The following RAB37 variants were observed in gnomAD, a reference collection of about 807,000 sequenced individuals.
The protein encoded by RAB37 is RAB37, member RAS oncogene family.
A neutral mutation model predicts 33.1 loss-of-function variants in RAB37; 29 were observed. The ratio of observed to expected loss-of-function variants is 0.88; its 90% CI spans 0.65 to 1.20. RAB37 has a LOEUF of 1.20. RAB37 is among the 50% of genes most tolerant of loss of function. RAB37 has a pLI of 0.00. For missense variants in RAB37, 299 were observed against 301.1 expected, an observed-to-expected ratio of 0.99 and a Z score of 0.05; for synonymous variants, 128 against 119.5, an observed-to-expected ratio of 1.07 and a Z score of -0.47.
At chr17:74,734,974 A>AAGG (rs2034446463), upstream of RAB37, among the ~76,000 whole-genome samples, 1 of 127,826 alleles carries the variant, frequency 7.8e-6, no homozygotes, top group Admixed American at 7.8e-5. Flanking sequence ...AAAGAAAAAG[A>AAGG]AAGAAAGAAA....
At chr17:74,726,876 A>G (rs1393584078) in intron 1 of RAB37, among the ~76,000 whole-genome samples, 1 of 152,188 alleles carries the variant, frequency 6.6e-6, no homozygotes, top group Non-Finnish European at 1.5e-5. Context: ...GTCCTTTCAC[A>G]CAGTCTTGAA....
At chr17:74,737,250 C>G (rs774375135), upstream of RAB37, 1 of 1,549,442 alleles carries the variant, frequency 6.5e-7, no homozygotes, top group East Asian at 2.3e-5. Context: ...CGGGCCGGCA[C>G]TGCTCACCTC....
chr17:74,675,757 T>C (rs1383942515), intron 1 of RAB37, among the ~76,000 whole-genome samples: 2 of 152,184 alleles, frequency 1.3e-5, no homozygotes, highest in Non-Finnish European at 2.9e-5. Flanking sequence ...ATACGCCAAA[T>C]ATCATGATAG....
rs766246665 is a variant in RAB37, at chr17:74,745,110, T to A, written c.566+26T>A. The stretch of plus-strand genomic sequence containing the variant: ...GTGAGAGCTGGGCAGGGAAGGGAAG[T>A]GTGCGGGGCAGGGCGGCACACTCCA... On this transcript the variant is annotated intron_variant, in intron 8 of 8. Transcript: ENST00000392613. The surrounding 1 kb of genome is among the most constrained non-coding windows in gnomAD (Gnocchi z 4.5). The A allele has an allele frequency of 3.1e-6, 5 of 1,601,094 alleles. No individual in the cohort carries two copies. Among genetic ancestry groups the A allele is most frequent in the African/African-American group, 1.3e-5 (1 of 74,864 alleles).
chr17:74,713,269 G>A (rs1485965498), intron 1 of RAB37, among the ~76,000 whole-genome samples: 1 of 148,882 alleles, frequency 6.7e-6, no homozygotes, highest in Non-Finnish European at 1.5e-5. Flanking sequence ...CGTGCCACTT[G>A]CACTCCAGCC....
intron 1 of RAB37, among the ~76,000 whole-genome samples, chr17:74,691,470 T>C (rs892417420): frequency 1.3e-5 from 2 of 152,242 alleles, no homozygotes; most frequent in South Asian, 2.1e-4. Flanking sequence ...ATGCCCGGCC[T>C]GTAGACACCT....
chr17:74,728,811 A>G (rs1451813171), intron 1 of RAB37, among the ~76,000 whole-genome samples: 2 of 149,150 alleles, frequency 1.3e-5, no homozygotes, highest in Non-Finnish European at 3.0e-5. Context: ...ATACATGTGT[A>G]CATGTGTTTT....
chr17:74,717,428 G>A (rs774195509), intron 1 of RAB37, among the ~76,000 whole-genome samples: 5 of 152,290 alleles, frequency 3.3e-5, no homozygotes, highest in Middle Eastern at 3.4e-3. Context: ...CCTTCAATGT[G>A]ATGGCATTAC....
chr17:74,686,820 T>C (rs2032064145), intron 1 of RAB37, among the ~76,000 whole-genome samples: 1 of 152,224 alleles, frequency 6.6e-6, no homozygotes, highest in Non-Finnish European at 1.5e-5. Flanking sequence ...CTTCTTTGCT[T>C]ATTATTAATT....
At chr17:74,716,712 AAG>A (rs372536172) in intron 1 of RAB37, among the ~76,000 whole-genome samples, 164 of 148,056 alleles carry the variant, frequency 1.1e-3, no homozygotes, top group Non-Finnish European at 1.1e-3. Flanking sequence ...GGGGCAGAGA[AAG>A]AGAGAGAGAG....
intron 1 of RAB37, among the ~76,000 whole-genome samples, chr17:74,722,840 T>A (rs969258517): frequency 6.6e-6 from 1 of 152,194 alleles, no homozygotes; most frequent in Non-Finnish European, 1.5e-5. Flanking sequence ...TCTATCGATC[T>A]TTTCTTTATG....
At chr17:74,737,058 G>T (rs779140138), upstream of RAB37, 6 of 1,608,856 alleles carry the variant, frequency 3.7e-6, no homozygotes, top group South Asian at 2.2e-5. Flanking sequence ...GTTGCTCAGG[G>T]AGGCTGCCCG....
At chr17:74,736,741 G>T (rs960647983), upstream of RAB37, 9 of 1,535,596 alleles carry the variant, frequency 5.9e-6, no homozygotes, top group Non-Finnish European at 7.8e-6. Context: ...GGCGAGTACG[G>T]GTTGGTAAAC....
In RAB37 at chr17:74,729,088, A is replaced by G. The variant is rs1048970482; in HGVS notation, c.73-168A>G. 3.3e-5 allele frequency among the ~76,000 whole-genome samples: 5 copies of G among 150,900 alleles called. No homozygotes were observed. Among genetic ancestry groups the G allele is most frequent in the African/African-American group, 1.2e-4 (5 of 40,978 alleles). ...TGTGTATGTGTGTACATGTTTTTCTATGTCTGTATGTGTGTGTCAGTGTCT... is the reference window on the plus strand; with the variant it reads ...TGTGTATGTGTGTACATGTTTTTCTGTGTCTGTATGTGTGTGTCAGTGTCT... On this transcript the variant is annotated intron_variant, in intron 1 of 7. Transcript: ENST00000340415. This position sits in a 1 kb window ranked among gnomAD's most constrained non-coding sequence, Gnocchi z 4.2.
In RAB37 at chr17:74,730,487, G is replaced by T. The variant is rs958326041; in HGVS notation, c.183+1121G>T. ...GTGCCTGGTTCGGGTGTGTTCTGGG[G>T]CCTAGAATCGGCCCTGAAACACCAG... is the stretch of plus-strand genomic sequence containing the variant. On this transcript the variant is annotated intron_variant, in intron 2 of 7. Transcript: ENST00000340415. This position sits in a 1 kb window ranked among gnomAD's most constrained non-coding sequence, Gnocchi z 4.4. Among the ~76,000 whole-genome samples, 13 of 152,192 alleles carry T rather than the reference G, an allele frequency of 8.5e-5. No individual in the cohort carries two copies. Among genetic ancestry groups the T allele is most frequent in the African/African-American group, 2.4e-4 (10 of 41,452 alleles).
intron 1 of RAB37, among the ~76,000 whole-genome samples, chr17:74,713,670 A>T (rs988731908): frequency 1.3e-5 from 2 of 152,072 alleles, no homozygotes; most frequent in Non-Finnish European, 1.5e-5. Context: ...CCAGAAGTTC[A>T]AGAGGATTGA....
rs556576202 is a variant in RAB37, at chr17:74,728,991, C to G, written c.73-265C>G. On this transcript the variant is annotated intron_variant, in intron 1 of 7. Transcript: ENST00000340415. ...ACATGTGTGTACGTGTATGTGTGTGCTTCTGTGTGTATGTTTCTGTGTGTA... is the reference window on the plus strand; with the variant it reads ...ACATGTGTGTACGTGTATGTGTGTGGTTCTGTGTGTATGTTTCTGTGTGTA... Among the ~76,000 whole-genome samples, 4 of 148,504 alleles carry G rather than the reference C, an allele frequency of 2.7e-5. No homozygotes were observed. The East Asian group carries it at 8.2e-4, about 30-fold the overall frequency.
At chr17:74,740,283 T>C (rs2034581106) in intron 1 of RAB37, among the ~76,000 whole-genome samples, 1 of 152,076 alleles carries the variant, frequency 6.6e-6, no homozygotes, top group East Asian at 1.9e-4. Flanking sequence ...CAGATTCTGA[T>C]AGACTCCCTT....
upstream of RAB37, chr17:74,736,778 CG>C: frequency 6.5e-7 from 1 of 1,535,632 alleles, no homozygotes; most frequent in Non-Finnish European, 8.7e-7. Flanking sequence ...GAGCTCGGGC[CG>C]GGTGACTTAA....
Sources: gnomAD v4.1 joint callset for allele counts (sites outside exome capture counted in the v4.1 genomes callset) on GRCh38, gnomAD v4.1.1 for gene constraint, Gnocchi (gnomAD v3.1) non-coding constraint, MANE v1.5 for transcripts, NCBI Gene and HGNC (gene_info 2026-07-23, HGNC 2026-07-21) for gene names.